Variants in ARMH4 observed in about 807,000 individuals in gnomAD.
ARMH4 encodes the protein armadillo like helical domain containing 4, also known as armadillo-like helical domain-containing protein 4.
In ARMH4, 49 loss-of-function variants were observed where a neutral mutation model predicts 61.9. The ratio of observed to expected loss-of-function variants is 0.79; its 90% CI spans 0.63 to 1.00. The LOEUF is 1.00. Among genes scored for constraint, ARMH4 ranks in the 50% least tolerant of loss-of-function variants. The pLI, the probability that ARMH4 is intolerant of heterozygous loss-of-function variation, is 0.00. For synonymous variants in ARMH4, 368 were observed against 341.5 expected (o/e 1.08, Z -0.85); for missense variants, 934 against 930.0 (o/e 1.00, Z -0.06).
chr14:58,127,464 C>T (rs1200870507), intron 4 of ARMH4, among the ~76,000 whole-genome samples: 1 of 152,156 alleles, frequency 6.6e-6, no homozygotes, highest in Non-Finnish European at 1.5e-5. Flanking sequence ...GTGAGGCCTC[C>T]CCAGCCATGT....
intron 4 of ARMH4, among the ~76,000 whole-genome samples, chr14:58,123,305 TG>T (rs1442437540): frequency 6.6e-6 from 1 of 152,132 alleles, no homozygotes; most frequent in East Asian, 1.9e-4. Context: ...AAGGACAATA[TG>T]GATGAGCAAA....
intron 5 of ARMH4, among the ~76,000 whole-genome samples, chr14:58,065,524 C>T (rs1884675746): frequency 1.3e-5 from 2 of 152,236 alleles, no homozygotes; most frequent in South Asian, 4.1e-4. Context: ...CTACACTGTC[C>T]TTAAGAATGA....
intron 4 of ARMH4, among the ~76,000 whole-genome samples, chr14:58,117,699 G>A (rs1886576281): frequency 6.6e-6 from 1 of 152,048 alleles, no homozygotes; most frequent in Admixed American, 6.6e-5. Flanking sequence ...ATATTTAAAT[G>A]CCTTTAGAAC....
rs1882001961 is a variant in ARMH4 at position 58,001,984 on chromosome 14, C to T, written c.*2752G>A. On this transcript the variant is annotated 3_prime_UTR_variant, in exon 8 of 8. Coordinates refer to ENST00000267485, the MANE Select transcript of ARMH4 (RefSeq NM_001001872.4). The stretch of plus-strand genomic sequence containing the variant: ...TTTCCAGACAGCTTTATTTGTTTCA[C>T]TGTTAAATGTTTTAAGCCTAGTTGT... The T allele has an allele frequency of 6.6e-6, 1 of 152,206 alleles. No individual in the cohort carries two copies. Among genetic ancestry groups the T allele is most frequent in the South Asian group, 2.1e-4 (1 of 4,830 alleles). The allele number at this position is 152,206 out of a possible 1,614,324, so 9.4% of individuals were successfully genotyped here.
At chr14:58,015,300 A>C (rs2141138208) in intron 5 of ARMH4, among the ~76,000 whole-genome samples, 1 of 152,338 alleles carries the variant, frequency 6.6e-6, no homozygotes, top group African/African-American at 2.4e-5. Context: ...TCAGTAATTC[A>C]TAACACAGAG....
chr14:58,150,700 T>C (rs1486172047), intron 1 of ARMH4, among the ~76,000 whole-genome samples: 2 of 151,788 alleles, frequency 1.3e-5, no homozygotes, highest in Non-Finnish European at 2.9e-5. Context: ...TCAACTAATA[T>C]CAAATCTGTC....
chr14:58,048,009 C>A (rs922842288), intron 5 of ARMH4, among the ~76,000 whole-genome samples: 1 of 152,112 alleles, frequency 6.6e-6, no homozygotes, highest in African/African-American at 2.4e-5. Context: ...CTAAGCAGAA[C>A]AGGAAAATGC....
chr14:58,029,244 T>C (rs1199480421), intron 5 of ARMH4, among the ~76,000 whole-genome samples: 3 of 152,122 alleles, frequency 2.0e-5, no homozygotes, highest in African/African-American at 7.2e-5. Flanking sequence ...ACTTTTTTTT[T>C]TTTTTCCAGA....
At chr14:58,120,802 T>C (rs1240962534) in intron 4 of ARMH4, among the ~76,000 whole-genome samples, 1 of 152,214 alleles carries the variant, frequency 6.6e-6, no homozygotes, top group Non-Finnish European at 1.5e-5. Flanking sequence ...GAAAAAGATC[T>C]AGCTTCGTTA....
intron 6 of ARMH4, among the ~76,000 whole-genome samples, chr14:58,008,352 A>C (rs962709939): frequency 1.3e-5 from 2 of 152,206 alleles, no homozygotes; most frequent in Non-Finnish European, 2.9e-5. Flanking sequence ...TCTTTGCACC[A>C]TTCTTACTCT....
rs1887090228 is a variant in ARMH4 at position 58,131,416 on chromosome 14, G to T, written c.1831+96C>A. On this transcript the variant is annotated intron_variant, in intron 4 of 7. Transcript: ENST00000267485. ...TTACTGTCCTCTGATCTATACTGCAGATTGAATATACTCCTACTTAATTCT... is the reference window on the plus strand; with the variant it reads ...TTACTGTCCTCTGATCTATACTGCATATTGAATATACTCCTACTTAATTCT... 2.2e-5 allele frequency: 22 copies of T among 1,003,906 alleles called. No individual in the cohort carries two copies. The South Asian group carries it at 3.1e-4, about 14-fold the overall frequency. 62.2% of individuals were successfully genotyped at this position (1,003,906 alleles called of 1,614,324 possible). A position where few individuals can be genotyped will look rare whatever the true frequency, so the allele number is the denominator to read the frequency against.
At chr14:58,137,967 GT>G in intron 2 of ARMH4, 22 bp downstream of exon 2, 1 of 1,565,178 alleles carries the variant, frequency 6.4e-7, no homozygotes, top group Non-Finnish European at 8.6e-7. Flanking sequence ...ACCAAAGTTT[GT>G]TTTTCTTTTT....
At position 58,139,122 on chromosome 14, in the gene ARMH4, T is replaced by C. The variant is rs1262312539; in HGVS notation, c.237A>G (p.Ala79=). The C allele has an allele frequency of 1.2e-6, 2 of 1,614,288 alleles. No individual in the cohort carries two copies. The highest frequency in any genetic ancestry group is 1.7e-6 in the Non-Finnish European group (2 of 1,180,048). The change falls in exon 2 of 8, where the codon GCA becomes GCG. Residue 79 remains alanine (A), a synonymous_variant. Transcript: ENST00000267485. ...TATTTAATGATGTTGCCGATGGTAC[T>C]GCTGACATCATCATTGGATCTTCAG... The part of the protein sequence containing the change: ...VVSEDPMMMS[A]VPSATSLNKA...
chr14:58,012,966 A>C (rs1249996769), intron 5 of ARMH4, among the ~76,000 whole-genome samples: 1 of 152,234 alleles, frequency 6.6e-6, no homozygotes, highest in Non-Finnish European at 1.5e-5. Flanking sequence ...TCAAAGTCAT[A>C]ATAATGTTTC....
At chr14:58,116,419 A>T (rs1886525746) in intron 4 of ARMH4, 1 of 401,934 alleles carries the variant, frequency 2.5e-6, no homozygotes, top group Non-Finnish European at 5.1e-6. Flanking sequence ...TCACACTTGT[A>T]ATTCCAACAC....
chr14:58,096,713 A>C lies in ARMH4; in HGVS notation c.2089+11T>G, dbSNP rs1298683587. 1 of 1,610,886 alleles carries C rather than the reference A, an allele frequency of 6.2e-7. No homozygotes were observed. The highest frequency in any genetic ancestry group is 2.2e-5 in the East Asian group (1 of 44,790). ...AGAAGGGAGGAAAAGGGAAATACAC[A>C]TGACTCTTACCCAGGCCTTGATTCT... On this transcript the variant is annotated intron_variant, in intron 5 of 7. Coordinates refer to ENST00000267485, the MANE Select transcript of ARMH4 (RefSeq NM_001001872.4).
chr14:58,130,012 T>A (rs1251646878), intron 4 of ARMH4, among the ~76,000 whole-genome samples: 1 of 152,222 alleles, frequency 6.6e-6, no homozygotes, highest in East Asian at 1.9e-4. Context: ...ACTGCCATCA[T>A]CTACTAAATT....
At chr14:58,015,542 C>G (rs924918250) in intron 5 of ARMH4, among the ~76,000 whole-genome samples, 30 of 152,132 alleles carry the variant, frequency 2.0e-4, no homozygotes, top group Non-Finnish European at 4.4e-5. Flanking sequence ...AGTATTTTTC[C>G]TTCTTTCAGA....
chr14:58,124,703 G>A (rs1170512886), intron 4 of ARMH4, among the ~76,000 whole-genome samples: 2 of 152,136 alleles, frequency 1.3e-5, no homozygotes, highest in Admixed American at 6.5e-5. Context: ...CGCTGCTCGA[G>A]GGGACCTTTT....
Sources: gnomAD v4.1 joint callset for allele counts (sites outside exome capture counted in the v4.1 genomes callset) on GRCh38, gnomAD v4.1.1 for gene constraint, MANE v1.5 for transcripts, NCBI Gene and HGNC (gene_info 2026-07-23, HGNC 2026-07-21) for gene names.